The following OTOP1 variants were observed in gnomAD, a reference collection of about 807,000 sequenced individuals.
OTOP1 encodes the protein otopetrin 1.
Under a neutral mutation model 52.9 loss-of-function variants are expected in OTOP1, and 59 were observed. That is an observed-to-expected ratio of 1.12 (90% CI 0.91 to 1.39). The LOEUF (loss-of-function observed/expected upper bound fraction) is 1.39, where lower values mean the gene tolerates loss of function less well. Among genes scored for constraint, OTOP1 ranks in the 40% most tolerant of loss-of-function variants. OTOP1 has a pLI of 0.00. For synonymous variants in OTOP1, 317 were observed against 337.7 expected, an observed-to-expected ratio of 0.94 and a Z score of 0.67; for missense variants, 761 against 800.9, an observed-to-expected ratio of 0.95 and a Z score of 0.60.
chr4:4,214,827 G>A (rs149338605), intron 1 of OTOP1, among the ~76,000 whole-genome samples: 2 of 152,194 alleles, frequency 1.3e-5, no homozygotes, highest in East Asian at 3.9e-4. Context: ...TGTTTAATGA[G>A]GACAGAGTTT....
intron 1 of OTOP1, among the ~76,000 whole-genome samples, chr4:4,214,852 G>A (rs1038978532): frequency 2.6e-5 from 4 of 152,148 alleles, no homozygotes; most frequent in African/African-American, 9.7e-5. Context: ...TTTGCAAGAC[G>A]AAAAAGTTCT....
intron 1 of OTOP1, among the ~76,000 whole-genome samples, chr4:4,221,842 C>G (rs1717307982): frequency 6.6e-6 from 1 of 152,206 alleles, no homozygotes; most frequent in Admixed American, 6.5e-5. Context: ...TCTCAAACTC[C>G]TGACCCCAGG....
At position 4,220,002 on chromosome 4, in the gene OTOP1, CAT is replaced by C. The variant is rs567397546; in HGVS notation, c.403+6458_403+6459del. Among the ~76,000 whole-genome samples, 40 of 51,842 alleles carry C rather than the reference CAT, an allele frequency of 7.7e-4. 1 individual carries two copies. Among genetic ancestry groups the C allele is most frequent in the Non-Finnish European group, 1.1e-3 (33 of 29,034 alleles). The allele number at this position is 51,842 out of a possible 152,430, so 34.0% of individuals were successfully genotyped here. ...ATATATACGTATATAGGTGTATATA[CAT>C]ATATATGTATATACATGTATATACG... On this transcript the variant is annotated intron_variant, in intron 1 of 5. Transcript: ENST00000296358.
intron 4 of OTOP1, among the ~76,000 whole-genome samples, chr4:4,199,233 T>TGTGTGTGA (rs1212354837): frequency 6.1e-5 from 6 of 98,564 alleles, no homozygotes; most frequent in African/African-American, 2.7e-4. Flanking sequence ...TGTGTGTGTG[T>TGTGTGTGA]GAGAGAGAGA....
chr4:4,219,800 T>C (rs1243788632), intron 1 of OTOP1, among the ~76,000 whole-genome samples: 2 of 145,322 alleles, frequency 1.4e-5, no homozygotes, highest in Admixed American at 1.4e-4. Context: ...TATGTATAAA[T>C]ATATATACGT....
At chr4:4,191,618 C>T (rs1716508861) in intron 5 of OTOP1, among the ~76,000 whole-genome samples, 1 of 152,196 alleles carries the variant, frequency 6.6e-6, no homozygotes, top group African/African-American at 2.4e-5. Flanking sequence ...CCAGCCCCTC[C>T]TTGTCTCACC....
chr4:4,196,148 G>A (rs1175159829), intron 5 of OTOP1, among the ~76,000 whole-genome samples: 1 of 152,232 alleles, frequency 6.6e-6, no homozygotes, highest in Non-Finnish European at 1.5e-5. Flanking sequence ...GGACGGTACA[G>A]TGGTTCACAT....
At chr4:4,223,155 GCTCT>G (rs1717337841) in intron 1 of OTOP1, among the ~76,000 whole-genome samples, 1 of 152,214 alleles carries the variant, frequency 6.6e-6, no homozygotes, top group Admixed American at 6.5e-5. Context: ...CCTATCACGT[GCTCT>G]CTCTACCTTG....
intron 5 of OTOP1, among the ~76,000 whole-genome samples, chr4:4,192,722 C>T (rs1279755391): frequency 6.6e-6 from 1 of 152,212 alleles, no homozygotes; most frequent in East Asian, 1.9e-4. Context: ...CACTTGGCAC[C>T]TGTCACCCTT....
chr4:4,210,396 C>T (rs576876231), intron 2 of OTOP1, among the ~76,000 whole-genome samples: 2 of 152,310 alleles, frequency 1.3e-5, no homozygotes, highest in African/African-American at 4.8e-5. Context: ...CTCTTCTCAG[C>T]GTCCTGAGGC....
chr4:4,197,491 T>G lies in OTOP1; in HGVS notation c.1343A>C (p.His448Pro), dbSNP rs1395232911. 6.2e-7 allele frequency: 1 copy of G among 1,613,914 alleles called. No homozygotes were observed. Among genetic ancestry groups the G allele is most frequent in the East Asian group, 2.2e-5 (1 of 44,880 alleles). ...IQNLFIFESI[H>P]REPEKLSEDI... ...CTCAGAGAGTTTTTCAGGCTCTCGGTGAATGGATTCAAAGATGAAGAGGTT... is the reference window on the plus strand; with the variant it reads ...CTCAGAGAGTTTTTCAGGCTCTCGGGGAATGGATTCAAAGATGAAGAGGTT... The change falls in exon 5 of 6, where the codon CAC (histidine) becomes CCC (proline). Residue 448 changes from histidine to proline, a missense_variant. This residue lies in a region of OTOP1 where 632 missense variants were observed against 619.5 expected (regional missense o/e 1.02). Coordinates refer to ENST00000296358, the MANE Select transcript of OTOP1 (RefSeq NM_177998.3).
chr4:4,196,416 G>A (rs531271742), intron 5 of OTOP1, among the ~76,000 whole-genome samples: 3 of 152,318 alleles, frequency 2.0e-5, no homozygotes, highest in African/African-American at 7.2e-5. Flanking sequence ...AATTAGCCAA[G>A]TGTGGTGGCA....
intron 2 of OTOP1, among the ~76,000 whole-genome samples, chr4:4,208,357 T>C (rs1472693976): frequency 6.6e-6 from 1 of 152,202 alleles, no homozygotes; most frequent in African/African-American, 2.4e-5. Context: ...CAGCTTGACT[T>C]TTCCCTTTGG....
At position 4,226,748 on chromosome 4, in the gene OTOP1, C is replaced by T; in HGVS notation, c.117G>A (p.Pro39=). Residue 39 remains proline (P), a synonymous_variant, in exon 1 of 6, where the codon CCG becomes CCA. Transcript: ENST00000296358. ...SPPSSSAPRS[P]ESPAPRRGGV... The stretch of plus-strand genomic sequence containing the variant: ...CGCCCCGCCGGGGGGCCGGGGATTC[C>T]GGGGACCTCGGGGCCGAGGACGAGG... 1.4e-6 allele frequency: 2 copies of T among 1,391,548 alleles called. No individual in the cohort carries two copies. Among genetic ancestry groups the T allele is most frequent in the African/African-American group, 1.5e-5 (1 of 66,104 alleles). The allele number at this position is 1,391,548 out of a possible 1,614,324, so 86.2% of individuals were successfully genotyped here.
chr4:4,192,637 C>G (rs1716537708), intron 5 of OTOP1, among the ~76,000 whole-genome samples: 1 of 152,140 alleles, frequency 6.6e-6, no homozygotes, highest in African/African-American at 2.4e-5. Context: ...CCAAGGTTGC[C>G]CCTCCTCCAG....
At chr4:4,224,239 T>C (rs188767035) in intron 1 of OTOP1, among the ~76,000 whole-genome samples, 1 of 150,488 alleles carries the variant, frequency 6.6e-6, no homozygotes, top group Admixed American at 6.6e-5. Context: ...CCCAGCTACT[T>C]GGGAGGCTGA....
Position 4,197,384 on chromosome 4 carries a change from C to T in OTOP1, c.1450G>A (p.Val484Met), listed in dbSNP as rs778510403. The change falls in exon 5 of 6, where the codon GTG becomes ATG. Residue 484 changes from valine (V) to methionine (M), a missense_variant. Val to Met is a conservative substitution (Grantham distance 21, BLOSUM62 1). This residue lies in a region of OTOP1 where 632 missense variants were observed against 619.5 expected (regional missense o/e 1.02). Coordinates refer to ENST00000296358, the MANE Select transcript of OTOP1 (RefSeq NM_177998.3). ...CCCTGGGGAGCCACATCTCTGGCCA[C>T]ACCTCCACTCTTGGGGCAGGAAGAA... ...LASSCPKSGGVARDVAPQGKD... is the reference protein window; with the variant it reads ...LASSCPKSGGMARDVAPQGKD... 3 of 1,613,976 alleles carry T rather than the reference C, an allele frequency of 1.9e-6. No homozygotes were observed. The highest frequency in any genetic ancestry group is 1.3e-5 in the African/African-American group (1 of 74,898).
chr4:4,219,895 GTATACACATATA>G (rs1717245650), intron 1 of OTOP1, among the ~76,000 whole-genome samples: 2 of 137,990 alleles, frequency 1.4e-5, no homozygotes, highest in Admixed American at 7.1e-5. Flanking sequence ...ACACATATAT[GTATACACATATA>G]TGTGTGTATA....
chr4:4,215,778 T>C (rs1483853132), intron 1 of OTOP1, among the ~76,000 whole-genome samples: 1 of 152,186 alleles, frequency 6.6e-6, no homozygotes, highest in Non-Finnish European at 1.5e-5. Flanking sequence ...TCTAAAGCTT[T>C]TCTAAAATAG....
Sources: gnomAD v4.1 joint callset for allele counts (sites outside exome capture counted in the v4.1 genomes callset) on GRCh38, gnomAD v4.1.1 for gene constraint, gnomAD v4.1.1 regional missense constraint, MANE v1.5 for transcripts, NCBI Gene and HGNC (gene_info 2026-07-23, HGNC 2026-07-21) for gene names.